The following DNAH5 variants were observed in gnomAD, a reference collection of about 807,000 sequenced individuals.
DNAH5 encodes the protein dynein axonemal heavy chain 5, also known as axonemal beta dynein heavy chain 5.
DNAH5 carries 372 observed loss-of-function variants against 518.2 expected under a neutral mutation model. That is an observed-to-expected ratio of 0.72 (90% CI 0.66 to 0.78). The LOEUF (loss-of-function observed/expected upper bound fraction) is 0.78, where lower values mean the gene tolerates loss of function less well. Ranked by LOEUF, DNAH5 falls within the 30% of genes least tolerant of loss-of-function variation. DNAH5 has a pLI of 0.00. For missense variants in DNAH5, 5,523 were observed against 5,687.0 expected (o/e 0.97, Z 0.93); for synonymous variants, 2,039 against 2,025.9 (o/e 1.01, Z -0.17).
intron 59 of DNAH5, among the ~76,000 whole-genome samples, chr5:13,763,722 G>A (rs1017121810): frequency 2.0e-5 from 3 of 152,152 alleles, no homozygotes; most frequent in Admixed American, 6.5e-5. Flanking sequence ...TTCAGACCTC[G>A]TTTAATGTAA....
At chr5:13,816,196 C>T (rs1356616377) in intron 42 of DNAH5, among the ~76,000 whole-genome samples, 3 of 152,164 alleles carry the variant, frequency 2.0e-5, no homozygotes, top group Non-Finnish European at 4.4e-5. Context: ...CAGAGGAACA[C>T]TGGGCAAAAA....
intron 72 of DNAH5, among the ~76,000 whole-genome samples, chr5:13,718,341 G>T (rs1744581882): frequency 2.0e-5 from 3 of 152,176 alleles, no homozygotes. Context: ...CTGACTGAAA[G>T]TTCCATGTTC....
chr5:13,900,171 G>A, intron 15 of DNAH5, 35 bp downstream of exon 15: 2 of 1,550,100 alleles, frequency 1.3e-6, no homozygotes, highest in Non-Finnish European at 1.8e-6. Context: ...TCCAGAGCTA[G>A]CCAAGAATGG....
intron 30 of DNAH5, among the ~76,000 whole-genome samples, chr5:13,858,736 A>G (rs1490464478): frequency 2.6e-5 from 4 of 152,192 alleles, no homozygotes; most frequent in Non-Finnish European, 5.9e-5. Context: ...CTGTAATTAA[A>G]CTGAAAACTA....
At chr5:13,701,691 C>T (rs1742138985) in intron 76 of DNAH5, among the ~76,000 whole-genome samples, 1 of 152,144 alleles carries the variant, frequency 6.6e-6, no homozygotes, top group African/African-American at 2.4e-5. Context: ...ATTCACAGAG[C>T]TGTTCAAGAT....
intron 52 of DNAH5, among the ~76,000 whole-genome samples, chr5:13,781,906 A>T (rs1259969039): frequency 1.3e-5 from 2 of 152,124 alleles, no homozygotes; most frequent in Non-Finnish European, 2.9e-5. Flanking sequence ...GTGATTATAG[A>T]TGGGTCAGGG....
chr5:13,722,879 T>C (rs548011554), intron 70 of DNAH5, among the ~76,000 whole-genome samples: 3 of 152,322 alleles, frequency 2.0e-5, no homozygotes, highest in Admixed American at 6.5e-5. Flanking sequence ...TTGGCAACTA[T>C]TTCTAGATGG....
intron 51 of DNAH5, 112 bp downstream of exon 51, chr5:13,788,604 A>G: frequency 1.1e-6 from 1 of 892,782 alleles, no homozygotes; most frequent in Non-Finnish European, 1.9e-6. Flanking sequence ...GGCTTGTATC[A>G]ATAAAGTTTA....
intron 35 of DNAH5, among the ~76,000 whole-genome samples, chr5:13,831,788 T>A (rs1193944670): frequency 6.6e-6 from 1 of 152,176 alleles, no homozygotes; most frequent in East Asian, 1.9e-4. Context: ...TGCCATCCCT[T>A]CCAAAGCAGA....
chr5:13,750,075 G>A (rs1749994540), intron 65 of DNAH5, among the ~76,000 whole-genome samples: 2 of 152,124 alleles, frequency 1.3e-5, no homozygotes, highest in African/African-American at 4.8e-5. Flanking sequence ...GGAAGGGAGA[G>A]AGAAGGGGAG....
intron 32 of DNAH5, among the ~76,000 whole-genome samples, chr5:13,842,639 C>T (rs1330117307): frequency 6.6e-6 from 1 of 151,886 alleles, no homozygotes; most frequent in Non-Finnish European, 1.5e-5. Flanking sequence ...GCTTCTAAAA[C>T]CTAAAGTGCT....
chr5:13,807,512 G>T (rs2126995771), intron 47 of DNAH5, 79 bp downstream of exon 47: 1 of 1,375,874 alleles, frequency 7.3e-7, no homozygotes, highest in Non-Finnish European at 1.0e-6. Flanking sequence ...AGATTCAATT[G>T]AAGCAGAATA....
chr5:13,735,359 GC>G, intron 67 of DNAH5, 38 bp from the exon 68 acceptor site: 1 of 1,579,602 alleles, frequency 6.3e-7, no homozygotes, highest in Non-Finnish European at 8.7e-7. Flanking sequence ...TTATCCCACT[GC>G]CCTTTTCAAT....
chr5:13,716,252 T>TA (rs940103992), intron 74 of DNAH5, among the ~76,000 whole-genome samples: 1 of 151,894 alleles, frequency 6.6e-6, no homozygotes, highest in African/African-American at 2.4e-5. Flanking sequence ...CCTGGGGCAT[T>TA]AAAAAAGAGG....
intron 76 of DNAH5, 52 bp from the exon 77 acceptor site, chr5:13,701,488 G>GT: frequency 1.4e-6 from 2 of 1,475,452 alleles, no homozygotes; most frequent in Non-Finnish European, 1.9e-6. Context: ...ATACTGCAGT[G>GT]TAAACCAGCT....
chr5:13,714,740 G>T, intron 74 of DNAH5, 120 bp from the exon 75 acceptor site: 1 of 937,048 alleles, frequency 1.1e-6, no homozygotes, highest in South Asian at 1.4e-5. Flanking sequence ...TCTTATTGGT[G>T]TCAAGCTACA....
chr5:13,704,954 A>G (rs1055006633), intron 76 of DNAH5, among the ~76,000 whole-genome samples: 6 of 151,744 alleles, frequency 4.0e-5, no homozygotes, highest in Middle Eastern at 3.2e-3. Context: ...CAAAAGATCT[A>G]TTTTACAACA....
intron 44 of DNAH5, 68 bp from the exon 45 acceptor site, chr5:13,810,328 A>G (rs1348577742): frequency 1.2e-5 from 16 of 1,365,786 alleles, no homozygotes; most frequent in Non-Finnish European, 1.5e-5. Flanking sequence ...TAGGGTTTCA[A>G]TGGGAACAGT....
intron 2 of DNAH5, 100 bp downstream of exon 2, chr5:13,931,010 C>T (rs1778360519): frequency 6.3e-7 from 1 of 1,579,432 alleles, no homozygotes; most frequent in Non-Finnish European, 8.7e-7. Context: ...AAGACAGGCA[C>T]CTCCCTCTGG....
Sources: allele counts gnomAD v4.1 joint callset (sites outside exome capture counted in the v4.1 genomes callset), GRCh38; gene constraint gnomAD v4.1.1; transcripts MANE v1.5; gene names NCBI Gene and HGNC (gene_info 2026-07-23, HGNC 2026-07-21).